The following PIWIL2 variants were observed in gnomAD, a reference collection of about 807,000 sequenced individuals.
PIWIL2 encodes piwi-like protein 2.
In PIWIL2, 81 loss-of-function variants were observed where a neutral mutation model predicts 116.5. That is an observed-to-expected ratio of 0.70 (90% CI 0.58 to 0.84). The LOEUF is 0.84. PIWIL2 is among the 40% of genes least tolerant of loss of function. PIWIL2 has a pLI of 0.00. For missense variants in PIWIL2, 1,272 were observed against 1,212.3 expected, an observed-to-expected ratio of 1.05 and a Z score of -0.73; for synonymous variants, 489 against 429.5, an observed-to-expected ratio of 1.14 and a Z score of -1.71.
At chr8:22,321,991 A>T in intron 20 of PIWIL2, 3 of 985,028 alleles carry the variant, frequency 3.0e-6, no homozygotes, top group Non-Finnish European at 3.6e-6. Context: ...ACTCGCATGC[A>T]ATAATAAAAT....
At position 22,283,241 on chromosome 8, in the gene PIWIL2, G is replaced by GT; in HGVS notation, c.632+2dup. Reference sequence around the variant, plus strand: ...TCCTGACTGTGGAACACAAGGAAAAGTAAGTCAGGAGCACTGCCTTCTCTA... The same window carrying GT: ...TCCTGACTGTGGAACACAAGGAAAAGTTAAGTCAGGAGCACTGCCTTCTCTA... On this transcript the variant is annotated splice_donor_variant, in intron 5 of 22. Transcript: ENST00000356766. LOFTEE classifies it high-confidence loss of function. The GT allele has an allele frequency of 6.2e-7, 1 of 1,610,352 alleles. No homozygotes were observed. The highest frequency in any genetic ancestry group is 8.5e-7 in the Non-Finnish European group (1 of 1,176,916).
intron 20 of PIWIL2, among the ~76,000 whole-genome samples, chr8:22,333,675 A>G (rs1332574946): frequency 2.0e-5 from 3 of 152,138 alleles, no homozygotes; most frequent in Admixed American, 6.6e-5. Context: ...ACGAACATCT[A>G]TAGAAACCAG....
At chr8:22,293,733 A>G (rs1007979167) in intron 10 of PIWIL2, among the ~76,000 whole-genome samples, 11 of 152,188 alleles carry the variant, frequency 7.2e-5, no homozygotes, top group African/African-American at 1.4e-4. Context: ...TTTTTTCCAC[A>G]GATTCAAATC....
At position 22,281,522 on chromosome 8, in the gene PIWIL2, A is replaced by G; in HGVS notation, c.425+7A>G. 1 of 1,559,634 alleles carries G rather than the reference A, an allele frequency of 6.4e-7. No individual in the cohort carries two copies. The highest frequency in any genetic ancestry group is 8.6e-7 in the Non-Finnish European group (1 of 1,161,838). ...CCTCCGTTGGTTGGAGTAGGTGGGT[A>G]AAGTTACCCTCTCAGGTAACTATCA... On this transcript the variant is annotated splice_region_variant and intron_variant, in intron 4 of 22. Coordinates refer to ENST00000356766, the MANE Select transcript of PIWIL2 (RefSeq NM_018068.5).
intron 10 of PIWIL2, among the ~76,000 whole-genome samples, chr8:22,303,677 A>T (rs1373087380): frequency 6.6e-6 from 1 of 152,174 alleles, no homozygotes; most frequent in African/African-American, 2.4e-5. Flanking sequence ...TACAACTGTG[A>T]GCCATCATGC....
chr8:22,343,375 C>T (rs1832153013), intron 20 of PIWIL2, among the ~76,000 whole-genome samples: 1 of 151,934 alleles, frequency 6.6e-6, no homozygotes, highest in South Asian at 2.1e-4. Flanking sequence ...GCAGAGGCTG[C>T]AGTGAGCCGA....
chr8:22,334,733 A>G (rs560418583), intron 20 of PIWIL2, among the ~76,000 whole-genome samples: 10 of 152,100 alleles, frequency 6.6e-5, no homozygotes, highest in Admixed American at 2.0e-4. Context: ...GGTATAAGCT[A>G]CTGTGCCTGG....
chr8:22,283,557 C>T (rs984959366), intron 5 of PIWIL2, among the ~76,000 whole-genome samples: 4 of 152,174 alleles, frequency 2.6e-5, no homozygotes, highest in African/African-American at 4.8e-5. Flanking sequence ...TATAGGCGCC[C>T]GCCATCACCC....
Position 22,328,821 on chromosome 8 carries a change from T to G in PIWIL2, c.2403+10546T>G, listed in dbSNP as rs1346221240. On this transcript the variant is annotated intron_variant, in intron 20 of 22. Transcript: ENST00000356766. ...AATGTGGTTATGAGCTCTAGTCGTT[T>G]TTTTTTTTTTTTTTTTAATTCTTTG... 6.1e-5 allele frequency among the ~76,000 whole-genome samples: 9 copies of G among 147,260 alleles called. No individual in the cohort carries two copies. The East Asian group carries it at 1.7e-3, about 29-fold the overall frequency.
At chr8:22,281,555 A>T in intron 4 of PIWIL2, 40 bp downstream of exon 4, 1 of 1,497,436 alleles carries the variant, frequency 6.7e-7, no homozygotes. Context: ...TCAAATTCAG[A>T]TGGAATATCT....
chr8:22,303,355 A>G (rs775310947), intron 10 of PIWIL2, among the ~76,000 whole-genome samples: 1 of 152,214 alleles, frequency 6.6e-6, no homozygotes, highest in Non-Finnish European at 1.5e-5. Context: ...ACTTTCTATG[A>G]TTTGATGAGT....
intron 10 of PIWIL2, among the ~76,000 whole-genome samples, chr8:22,300,645 A>C (rs1189106792): frequency 6.6e-6 from 1 of 152,214 alleles, no homozygotes; most frequent in East Asian, 1.9e-4. Context: ...AGATTGTTCC[A>C]CATTCTCACG....
chr8:22,318,316 T>G, intron 20 of PIWIL2, 41 bp downstream of exon 20: 1 of 1,122,498 alleles, frequency 8.9e-7, no homozygotes. Flanking sequence ...GGGTTTTTTG[T>G]TTTTTTATTT....
At chr8:22,329,854 C>T (rs1831817128) in intron 20 of PIWIL2, among the ~76,000 whole-genome samples, 2 of 152,152 alleles carry the variant, frequency 1.3e-5, no homozygotes, top group South Asian at 4.1e-4. Flanking sequence ...TGGAGGCTGG[C>T]AAGTTCAAAA....
At chr8:22,334,959 G>A (rs1395638237) in intron 20 of PIWIL2, among the ~76,000 whole-genome samples, 2 of 151,680 alleles carry the variant, frequency 1.3e-5, no homozygotes, top group African/African-American at 2.4e-5. Flanking sequence ...GGAGGCTGAG[G>A]CAGGGAAATC....
At chr8:22,343,728 T>C (rs1832162592) in intron 20 of PIWIL2, among the ~76,000 whole-genome samples, 1 of 152,174 alleles carries the variant, frequency 6.6e-6, no homozygotes, top group Non-Finnish European at 1.5e-5. Flanking sequence ...ATTCAAAAAC[T>C]GGTAATGCCA....
chr8:22,309,892 G>A (rs1210528569), intron 14 of PIWIL2, 69 bp from the exon 15 acceptor site: 2 of 867,804 alleles, frequency 2.3e-6, no homozygotes, highest in Non-Finnish European at 1.9e-6. Context: ...GCCTTATAGA[G>A]CAGTAGCAGT....
rs570388567 is a variant in PIWIL2, at chr8:22,294,030, C to G, written c.1181+3684C>G. ...CTGTTGAAAAATATGGCATGTCTTT[C>G]CATTTATTGAAATTTATTTTGTTTT... On this transcript the variant is annotated intron_variant, in intron 10 of 22. Transcript: ENST00000356766. 6.4e-4 allele frequency among the ~76,000 whole-genome samples: 98 copies of G among 152,246 alleles called. No individual in the cohort carries two copies. The South Asian group carries it at 0.012, about 19-fold the overall frequency.
chr8:22,289,492 G>A (rs1221572465), intron 8 of PIWIL2, among the ~76,000 whole-genome samples: 1 of 152,188 alleles, frequency 6.6e-6, no homozygotes, highest in Non-Finnish European at 1.5e-5. Flanking sequence ...ACTGCCAGGA[G>A]TAAACATAGC....
Sources: allele counts gnomAD v4.1 joint callset (sites outside exome capture counted in the v4.1 genomes callset), GRCh38; gene constraint gnomAD v4.1.1; transcripts MANE v1.5; gene names NCBI Gene and HGNC (gene_info 2026-07-23, HGNC 2026-07-21).